SORCS3: variants seen among roughly 807,000 people sequenced by gnomAD.
The protein encoded by SORCS3 is sortilin related VPS10 domain containing receptor 3.
Under a neutral mutation model 146.3 loss-of-function variants are expected in SORCS3, and 57 were observed. The observed-to-expected ratio is 0.39, with a 90% CI of 0.31 to 0.49. SORCS3 has a LOEUF of 0.49. SORCS3 is among the 20% of genes least tolerant of loss of function. The pLI is 0.92. For synonymous variants in SORCS3, 653 were observed against 618.5 expected (o/e 1.06, Z -0.83); for missense variants, 1,341 against 1,575.5 (o/e 0.85, Z 2.52).
chr10:104,735,590 A>C (rs1173444666), intron 1 of SORCS3, among the ~76,000 whole-genome samples: 1 of 151,594 alleles, frequency 6.6e-6, no homozygotes, highest in Non-Finnish European at 1.5e-5. Flanking sequence ...CCTATGAAAA[A>C]GACAGAGCCC....
chr10:104,869,005 T>C (rs986822469), intron 2 of SORCS3, among the ~76,000 whole-genome samples: 10 of 152,128 alleles, frequency 6.6e-5, no homozygotes, highest in Admixed American at 5.9e-4. Context: ...TTAAAACTAA[T>C]CAGATTAGAG....
chr10:105,013,679 A>G (rs1163792991), intron 4 of SORCS3, among the ~76,000 whole-genome samples: 2 of 152,162 alleles, frequency 1.3e-5, no homozygotes, highest in Non-Finnish European at 2.9e-5. Flanking sequence ...ATACTAAGGA[A>G]AAACAATTTG....
intron 5 of SORCS3, among the ~76,000 whole-genome samples, chr10:105,054,049 G>A (rs539502252): frequency 6.6e-6 from 1 of 152,020 alleles, no homozygotes; most frequent in Non-Finnish European, 1.5e-5. Flanking sequence ...GGTTTTCCTT[G>A]TTTTAATTTG....
At chr10:104,796,354 C>T (rs996248181) in intron 1 of SORCS3, among the ~76,000 whole-genome samples, 1 of 152,016 alleles carries the variant, frequency 6.6e-6, no homozygotes, top group Non-Finnish European at 1.5e-5. Flanking sequence ...TTTCAGTTTG[C>T]TTTTAATCCC....
At chr10:104,933,891 T>C (rs1461307246) in intron 3 of SORCS3, among the ~76,000 whole-genome samples, 4 of 152,084 alleles carry the variant, frequency 2.6e-5, no homozygotes, top group Non-Finnish European at 5.9e-5. Context: ...ACAACCCGGG[T>C]TCAAGAGATT....
At chr10:104,712,012 T>C (rs189361010) in intron 1 of SORCS3, among the ~76,000 whole-genome samples, 23 of 152,292 alleles carry the variant, frequency 1.5e-4, no homozygotes, top group African/African-American at 5.1e-4. Context: ...AGTTTTCAGG[T>C]TTTTGTTCTT....
intron 1 of SORCS3, among the ~76,000 whole-genome samples, chr10:104,779,179 C>T (rs959648676): frequency 6.6e-6 from 1 of 152,228 alleles, no homozygotes; most frequent in Non-Finnish European, 1.5e-5. Context: ...ACAGAGCCAG[C>T]CTTGCTGACA....
At chr10:105,090,412 G>T (rs1193679852) in intron 6 of SORCS3, among the ~76,000 whole-genome samples, 1 of 152,070 alleles carries the variant, frequency 6.6e-6, no homozygotes, top group African/African-American at 2.4e-5. Context: ...CACATGACCC[G>T]CTGTGTACCT....
intron 1 of SORCS3, among the ~76,000 whole-genome samples, chr10:104,747,079 G>A (rs2016919930): frequency 6.6e-6 from 1 of 152,170 alleles, no homozygotes; most frequent in South Asian, 2.1e-4. Flanking sequence ...ACTAAGGGTG[G>A]CTCACTTCCT....
chr10:105,106,737 G>A (rs937252350), intron 7 of SORCS3, among the ~76,000 whole-genome samples: 1 of 152,170 alleles, frequency 6.6e-6, no homozygotes, highest in African/African-American at 2.4e-5. Flanking sequence ...ATGAGGGAGT[G>A]AAACAGGAAG....
rs375429189 is a variant in SORCS3, at chr10:105,104,451, G to T, written c.1094-946G>T. Among the ~76,000 whole-genome samples the T allele has an allele frequency of 1.3e-4, 20 of 152,246 alleles. No homozygotes were observed. In the East Asian group the frequency reaches 2.9e-3, roughly 22 times the overall value. ...AATCAGAAAGCCTTTTGGAGCCAAA[G>T]ATTTCCCATTCAGCTACAGCTGGTA... On this transcript the variant is annotated intron_variant, in intron 6 of 26. Coordinates refer to ENST00000369701, the MANE Select transcript of SORCS3 (RefSeq NM_014978.3).
chr10:104,826,927 AT>A (rs975422441), intron 1 of SORCS3, among the ~76,000 whole-genome samples: 10 of 152,184 alleles, frequency 6.6e-5, no homozygotes, highest in African/African-American at 2.2e-4. Flanking sequence ...TGTTTGCAGC[AT>A]TTTCACCAGG....
intron 1 of SORCS3, among the ~76,000 whole-genome samples, chr10:104,823,232 G>A (rs886283094): frequency 2.0e-5 from 3 of 152,192 alleles, no homozygotes; most frequent in Middle Eastern, 3.4e-3. Flanking sequence ...CAAGTTTGGG[G>A]AAATAAGTTG....
chr10:104,849,970 C>T (rs564808490), intron 2 of SORCS3, among the ~76,000 whole-genome samples: 2 of 152,350 alleles, frequency 1.3e-5, no homozygotes, highest in African/African-American at 4.8e-5. Context: ...GGTTTTCATA[C>T]ACCAGATGCT....
chr10:104,965,635 T>A (rs1427804974), intron 3 of SORCS3, among the ~76,000 whole-genome samples: 1 of 152,126 alleles, frequency 6.6e-6, no homozygotes, highest in Non-Finnish European at 1.5e-5. Context: ...GGTGTGAGGT[T>A]GTATCTCATT....
intron 20 of SORCS3, among the ~76,000 whole-genome samples, chr10:105,225,339 AT>A (rs527269085): frequency 9.9e-4 from 151 of 152,090 alleles, no homozygotes; most frequent in Non-Finnish European, 4.4e-4. Flanking sequence ...TGAAAATACC[AT>A]TTTTGCTCCA....
chr10:104,753,869 A>G (rs1124147), intron 1 of SORCS3, among the ~76,000 whole-genome samples: 36,381 of 152,160 alleles, frequency 0.24, 4,497 homozygotes, highest in South Asian at 0.33. Context: ...ATTTTGGGCT[A>G]TCATTATGCT....
At chr10:105,206,261 T>G (rs1303904691) in intron 16 of SORCS3, among the ~76,000 whole-genome samples, 2 of 152,206 alleles carry the variant, frequency 1.3e-5, no homozygotes, top group Non-Finnish European at 2.9e-5. Flanking sequence ...TGAGTATAAT[T>G]AAATGCTGAA....
chr10:104,980,713 C>T (rs910208995), intron 4 of SORCS3, among the ~76,000 whole-genome samples: 4 of 152,036 alleles, frequency 2.6e-5, no homozygotes, highest in African/African-American at 4.8e-5. Flanking sequence ...AAGGCTATCT[C>T]GTTATGTTGT....
Sources: allele counts gnomAD v4.1 joint callset (sites outside exome capture counted in the v4.1 genomes callset), GRCh38; gene constraint gnomAD v4.1.1; transcripts MANE v1.5; gene names NCBI Gene and HGNC (gene_info 2026-07-23, HGNC 2026-07-21).